The following ZNF804B variants were observed in gnomAD, a reference collection of about 807,000 sequenced individuals.
ZNF804B encodes the protein zinc finger 804B.
A neutral mutation model predicts 101.4 loss-of-function variants in ZNF804B; 80 were observed. The ratio of observed to expected loss-of-function variants is 0.79; its 90% CI spans 0.66 to 0.95. The LOEUF (loss-of-function observed/expected upper bound fraction) is 0.95, where lower values mean the gene tolerates loss of function less well. Ranked by LOEUF, ZNF804B falls within the 40% of genes least tolerant of loss-of-function variation. The pLI, the probability that ZNF804B is intolerant of heterozygous loss-of-function variation, is 0.00. For missense variants in ZNF804B, 1,673 were observed against 1,561.9 expected (o/e 1.07, Z -1.20); for synonymous variants, 622 against 558.8 (o/e 1.11, Z -1.59).
intron 1 of ZNF804B, among the ~76,000 whole-genome samples, chr7:89,177,735 T>A (rs967412493): frequency 2.0e-5 from 3 of 152,104 alleles, no homozygotes; most frequent in African/African-American, 7.2e-5. Flanking sequence ...TGTGTTGAGG[T>A]CTCTCTCTTT....
At chr7:89,167,892 A>G (rs1791167532) in intron 1 of ZNF804B, among the ~76,000 whole-genome samples, 1 of 152,178 alleles carries the variant, frequency 6.6e-6, no homozygotes, top group South Asian at 2.1e-4. Flanking sequence ...AGAAACCACA[A>G]AATAAGACCT....
chr7:88,887,073 A>G (rs1792138186), intron 1 of ZNF804B, among the ~76,000 whole-genome samples: 2 of 152,198 alleles, frequency 1.3e-5, no homozygotes, highest in African/African-American at 4.8e-5. Context: ...CACCTGTCAG[A>G]ATGGCTACTA....
chr7:89,133,766 A>G (rs1790587190), intron 1 of ZNF804B, among the ~76,000 whole-genome samples: 2 of 152,110 alleles, frequency 1.3e-5, no homozygotes, highest in South Asian at 2.1e-4. Context: ...AGGTTTCTAC[A>G]AGGAAAATAC....
At chr7:88,988,668 G>A (rs1418309270) in intron 1 of ZNF804B, among the ~76,000 whole-genome samples, 3 of 152,042 alleles carry the variant, frequency 2.0e-5, no homozygotes, top group Non-Finnish European at 4.4e-5. Context: ...AGAATGTGAG[G>A]TTTAGAGACT....
At chr7:89,020,358 T>A (rs939078625) in intron 1 of ZNF804B, among the ~76,000 whole-genome samples, 14 of 152,174 alleles carry the variant, frequency 9.2e-5, no homozygotes, top group African/African-American at 2.9e-4. Flanking sequence ...ATTTTTTGTC[T>A]GTTTGTTTTA....
At chr7:89,141,522 T>G (rs1044433864) in intron 1 of ZNF804B, among the ~76,000 whole-genome samples, 3 of 152,086 alleles carry the variant, frequency 2.0e-5, no homozygotes, top group South Asian at 4.1e-4. Flanking sequence ...TTATGAACAT[T>G]AGTGCTCAAG....
chr7:89,116,183 G>A (rs550620917), intron 1 of ZNF804B, among the ~76,000 whole-genome samples: 1 of 151,926 alleles, frequency 6.6e-6, no homozygotes, highest in South Asian at 2.1e-4. Flanking sequence ...CAGAGTCCTG[G>A]GATTACAGGC....
intron 1 of ZNF804B, among the ~76,000 whole-genome samples, chr7:89,211,600 A>T (rs966075970): frequency 1.3e-5 from 2 of 152,096 alleles, no homozygotes; most frequent in African/African-American, 2.4e-5. Flanking sequence ...CAGTTCTCCC[A>T]GTCCTTTCCC....
chr7:88,800,705 T>C lies in ZNF804B; in HGVS notation c.108+40621T>C, dbSNP rs1418822730. Among the ~76,000 whole-genome samples, 7 of 110,438 alleles carry C rather than the reference T, an allele frequency of 6.3e-5. 1 individual carries two copies. The South Asian group carries it at 2.2e-3, about 34-fold the overall frequency. 72.5% of individuals were successfully genotyped at this position (110,438 alleles called of 152,430 possible). The stretch of plus-strand genomic sequence containing the variant: ...AATAGATATGATTTGTGTGTGTGTG[T>C]GTGTGTGTGTGTGTGTGTGTGTGTG... On this transcript the variant is annotated intron_variant, in intron 1 of 3. Transcript: ENST00000333190.
intron 2 of ZNF804B, among the ~76,000 whole-genome samples, chr7:89,218,878 G>C (rs1354406917): frequency 1.3e-5 from 2 of 152,078 alleles, no homozygotes; most frequent in Non-Finnish European, 2.9e-5. Flanking sequence ...TTGTCTTCAT[G>C]ATGAGTAGGC....
chr7:89,024,662 A>G lies in ZNF804B; in HGVS notation c.109-193493A>G, dbSNP rs376347822. Reference sequence around the variant, plus strand: ...CTCTCAGAGAAGAGTATCATTCTTGAAAAAAAAAAAAAAAAAAAGATGTGA... The same window carrying G: ...CTCTCAGAGAAGAGTATCATTCTTGGAAAAAAAAAAAAAAAAAAGATGTGA... On this transcript the variant is annotated intron_variant, in intron 1 of 3. Transcript: ENST00000333190. Among the ~76,000 whole-genome samples, 10 of 6,680 alleles carry G rather than the reference A, an allele frequency of 1.5e-3. No individual in the cohort carries two copies. In the African/African-American group the frequency reaches 0.017, roughly 12 times the overall value. 4.4% of individuals were successfully genotyped at this position (6,680 alleles called of 152,430 possible).
chr7:89,079,583 G>A (rs191798752), intron 1 of ZNF804B, among the ~76,000 whole-genome samples: 1 of 152,082 alleles, frequency 6.6e-6, no homozygotes, highest in East Asian at 1.9e-4. Flanking sequence ...CCTTTATGAA[G>A]CTCACATTCC....
At chr7:89,173,897 T>C (rs1044954482) in intron 1 of ZNF804B, among the ~76,000 whole-genome samples, 5 of 152,032 alleles carry the variant, frequency 3.3e-5, no homozygotes, top group Admixed American at 2.0e-4. Flanking sequence ...TCTAACAATA[T>C]TCTATTTATC....
At chr7:88,930,516 C>A (rs17165542) in intron 1 of ZNF804B, among the ~76,000 whole-genome samples, 12,096 of 151,868 alleles carry the variant, frequency 0.08, 854 homozygotes, top group African/African-American at 0.18. Context: ...CAAAAAATGT[C>A]CCAGACCATA....
Position 89,196,093 on chromosome 7 carries a change from C to G in ZNF804B, c.109-22062C>G, listed in dbSNP as rs145874955. 8.5e-5 allele frequency among the ~76,000 whole-genome samples: 13 copies of G among 152,186 alleles called. No homozygotes were observed. The East Asian group carries it at 2.5e-3, about 29-fold the overall frequency. ...GGAACCAAAAAAAGAGCCTGAATAG[C>G]CAATACAATCCTAAGTGTAAAGAAC... On this transcript the variant is annotated intron_variant, in intron 1 of 3. Coordinates refer to ENST00000333190, the MANE Select transcript of ZNF804B (RefSeq NM_181646.5).
At chr7:88,904,975 C>G (rs1393432343) in intron 1 of ZNF804B, among the ~76,000 whole-genome samples, 1 of 152,182 alleles carries the variant, frequency 6.6e-6, no homozygotes, top group Non-Finnish European at 1.5e-5. Context: ...CAAGGACTTG[C>G]AGTCCTATGT....
chr7:89,297,044 A>G (rs913410421), intron 2 of ZNF804B, among the ~76,000 whole-genome samples: 11 of 152,100 alleles, frequency 7.2e-5, no homozygotes, highest in African/African-American at 2.4e-4. Flanking sequence ...TATAAGCTTA[A>G]CATAGCCCCT....
chr7:89,028,819 C>A (rs79295302), intron 1 of ZNF804B, among the ~76,000 whole-genome samples: 2,390 of 152,158 alleles, frequency 0.016, 27 homozygotes, highest in Non-Finnish European at 0.024. Flanking sequence ...TAAATGAGTT[C>A]ACACATATAA....
intron 1 of ZNF804B, among the ~76,000 whole-genome samples, chr7:88,766,745 T>C (rs993760873): frequency 3.3e-5 from 5 of 152,200 alleles, no homozygotes; most frequent in African/African-American, 1.2e-4. Context: ...CTTAGATCTG[T>C]TGTGAAAACA....
Sources: gnomAD v4.1 joint callset for allele counts (sites outside exome capture counted in the v4.1 genomes callset) on GRCh38, gnomAD v4.1.1 for gene constraint, MANE v1.5 for transcripts, NCBI Gene and HGNC (gene_info 2026-07-23, HGNC 2026-07-21) for gene names.